ITPR1: variants seen among roughly 807,000 people sequenced by gnomAD.
ITPR1 encodes inositol 1,4,5-trisphosphate-gated calcium channel ITPR1.
ITPR1 carries 96 observed loss-of-function variants against 318.4 expected under a neutral mutation model. The ratio of observed to expected loss-of-function variants is 0.30; its 90% CI spans 0.26 to 0.36. The LOEUF (loss-of-function observed/expected upper bound fraction) is 0.36. Among genes scored for constraint, ITPR1 ranks in the 10% least tolerant of loss-of-function variants. The probability of loss-of-function intolerance (pLI) is 1.00; values close to 1 mark genes in which losing one functional copy is unlikely to be tolerated. For missense variants in ITPR1, 2,440 were observed against 3,460.2 expected (o/e 0.71, Z 7.40); for synonymous variants, 1,312 against 1,289.9 (o/e 1.02, Z -0.37).
At chr3:4,521,855 G>A (rs1373018238) in intron 4 of ITPR1, among the ~76,000 whole-genome samples, 1 of 151,678 alleles carries the variant, frequency 6.6e-6, no homozygotes, top group Non-Finnish European at 1.5e-5. Flanking sequence ...GGGCGACAAA[G>A]TGAGACCCTG....
rs1268853618 is a variant in ITPR1, at chr3:4,720,172, TGGTGC to T, written c.5136+2774_5136+2778del. Among the ~76,000 whole-genome samples, 14 of 152,248 alleles carry T rather than the reference TGGTGC, an allele frequency of 9.2e-5. 1 individual carries two copies. The highest frequency in any genetic ancestry group is 2.1e-4 in the Non-Finnish European group (14 of 68,046). ...TACGTCCAGGGGGATTTGGATACAG[TGGTGC>T]CCCAAATGGGCACAGTGTCTGCCAT... On this transcript the variant is annotated intron_variant, in intron 40 of 61. Coordinates refer to ENST00000649015, the MANE Select transcript of ITPR1 (RefSeq NM_001378452.1).
chr3:4,500,995 C>G lies in ITPR1; in HGVS notation c.-17+6489C>G, dbSNP rs560627197. On this transcript the variant is annotated intron_variant, in intron 2 of 61. Transcript: ENST00000649015. Reference sequence around the variant, plus strand: ...CGGTCTCCTGAGTAGTTGGGACCACCAGCGTGCCCCACCACTCCTGGCTAA... The same window carrying G: ...CGGTCTCCTGAGTAGTTGGGACCACGAGCGTGCCCCACCACTCCTGGCTAA... Among the ~76,000 whole-genome samples, 3 of 151,432 alleles carry G rather than the reference C, an allele frequency of 2.0e-5. No individual in the cohort carries two copies. The East Asian group carries it at 5.9e-4, about 30-fold the overall frequency.
chr3:4,781,047 C>T (rs2046802509), intron 49 of ITPR1, among the ~76,000 whole-genome samples: 1 of 152,248 alleles, frequency 6.6e-6, no homozygotes, highest in African/African-American at 2.4e-5. Context: ...TGTGTGCGTA[C>T]ATACGTGTGT....
At chr3:4,700,088 G>A in intron 35 of ITPR1, 147 bp downstream of exon 35, 1 of 671,216 alleles carries the variant, frequency 1.5e-6, no homozygotes, top group Non-Finnish European at 2.4e-6. Context: ...AGATAGCTTT[G>A]ATGGGATTTC....
intron 4 of ITPR1, among the ~76,000 whole-genome samples, chr3:4,533,392 C>G (rs2083580522): frequency 6.6e-6 from 1 of 152,138 alleles, no homozygotes; most frequent in Admixed American, 6.5e-5. Context: ...TGACCACAGG[C>G]AAGTCATTTA....
At chr3:4,778,427 G>C (rs2046616282) in intron 48 of ITPR1, among the ~76,000 whole-genome samples, 1 of 152,188 alleles carries the variant, frequency 6.6e-6, no homozygotes, top group African/African-American at 2.4e-5. Context: ...TGTATTTATT[G>C]CATGAAGGAT....
At chr3:4,804,124 G>A (rs1483336131) in intron 54 of ITPR1, among the ~76,000 whole-genome samples, 5 of 152,194 alleles carry the variant, frequency 3.3e-5, no homozygotes, top group Non-Finnish European at 7.3e-5. Flanking sequence ...CACCCGCCTC[G>A]GCCTCCCAAA....
At chr3:4,601,930 T>C (rs2091316935) in intron 4 of ITPR1, among the ~76,000 whole-genome samples, 1 of 152,178 alleles carries the variant, frequency 6.6e-6, no homozygotes, top group South Asian at 2.1e-4. Flanking sequence ...TATAAATGGC[T>C]AATAAGCACA....
chr3:4,784,280 A>G (rs1040124633), intron 51 of ITPR1, among the ~76,000 whole-genome samples: 10 of 152,148 alleles, frequency 6.6e-5, no homozygotes, highest in African/African-American at 2.4e-5. Context: ...GAGGGATGAA[A>G]CAGGTAGAGA....
At position 4,806,267 on chromosome 3, in the gene ITPR1, G is replaced by A; in HGVS notation, c.7272G>A (p.Leu2424=). The change falls in exon 55 of 62, where the codon CTG becomes CTA. Residue 2424 remains leucine, a splice_region_variant and synonymous_variant. Coordinates refer to ENST00000649015, the MANE Select transcript of ITPR1 (RefSeq NM_001378452.1). ...TCCATGAATTCTTCTACAGTCTGCT[G>A]GTGAGTACCTGGTGTGGAAATATTT... ...LFVHEFFYSL[L]LFDLVYREET... 1 of 1,613,600 alleles carries A rather than the reference G, an allele frequency of 6.2e-7. No homozygotes were observed. Among genetic ancestry groups the A allele is most frequent in the Non-Finnish European group, 8.5e-7 (1 of 1,179,508 alleles).
At chr3:4,822,050 A>G (rs1026962157) in intron 60 of ITPR1, among the ~76,000 whole-genome samples, 5 of 152,162 alleles carry the variant, frequency 3.3e-5, no homozygotes, top group Admixed American at 6.5e-5. Flanking sequence ...CCAAGGTGAG[A>G]GTTTCCGCTC....
rs1161467532 is a variant in ITPR1, at chr3:4,847,483, TA to T, written c.*1261del. ...TAAATGCATATATAAAAATATTTAA[TA>T]AATGATGCAGAATATACAGTGACTG... On this transcript the variant is annotated 3_prime_UTR_variant, in exon 62 of 62. Transcript: ENST00000649015. 1 of 152,186 alleles carries T rather than the reference TA, an allele frequency of 6.6e-6. No homozygotes were observed. 9.4% of individuals were successfully genotyped at this position (152,186 alleles called of 1,614,324 possible).
rs1389807252 is a variant in ITPR1, at chr3:4,670,858, T to C, written c.2136T>C (p.Ser712=). The change falls in exon 20 of 62, where the codon AGT becomes AGC. Residue 712 remains serine, a synonymous_variant. Transcript: ENST00000649015. The part of the protein sequence containing the change: ...RDSNKEIRSK[S]VRELAQDAKE... ...GCAACAAAGAGATTCGCAGCAAGAGTGTGAGGGAATTGGCTCAGGATGCTA... is the reference window on the plus strand; with the variant it reads ...GCAACAAAGAGATTCGCAGCAAGAGCGTGAGGGAATTGGCTCAGGATGCTA... 1.9e-6 allele frequency: 3 copies of C among 1,608,802 alleles called. No individual in the cohort carries two copies. The highest frequency in any genetic ancestry group is 2.5e-6 in the Non-Finnish European group (3 of 1,177,684).
rs1420916935 is a variant in ITPR1, at chr3:4,553,639, C to T, written c.163+32545C>T. On this transcript the variant is annotated intron_variant, in intron 4 of 61. Transcript: ENST00000649015. ...TTTTGAGACAGAGTCTCCTTCTTGTCGCCCAGGCTGGAGTGCAATGGCATG... is the reference window on the plus strand; with the variant it reads ...TTTTGAGACAGAGTCTCCTTCTTGTTGCCCAGGCTGGAGTGCAATGGCATG... Among the ~76,000 whole-genome samples, 5 of 138,574 alleles carry T rather than the reference C, an allele frequency of 3.6e-5. No homozygotes were observed. In the East Asian group the frequency reaches 6.5e-4, roughly 18 times the overall value. The allele number at this position is 138,574 out of a possible 152,430, so 90.9% of individuals were successfully genotyped here.
chr3:4,822,140 C>T (rs921637082), intron 60 of ITPR1, among the ~76,000 whole-genome samples: 4 of 152,180 alleles, frequency 2.6e-5, no homozygotes, highest in Admixed American at 1.3e-4. Context: ...CATCGCGGTT[C>T]CTACCGCCTC....
chr3:4,799,780 C>G (rs1306479155), intron 53 of ITPR1: 1 of 152,206 alleles, frequency 6.6e-6, no homozygotes. Flanking sequence ...AGCTCTTTGA[C>G]TGCAGGGATA....
intron 3 of ITPR1, among the ~76,000 whole-genome samples, chr3:4,519,127 C>T (rs762017387): frequency 2.0e-5 from 3 of 152,150 alleles, no homozygotes; most frequent in South Asian, 2.1e-4. Context: ...ATGATCATGC[C>T]GCTAGTAGGT....
At position 4,826,091 on chromosome 3, in the gene ITPR1, C is replaced by A. The variant is rs185638777; in HGVS notation, c.8028+7849C>A. On this transcript the variant is annotated intron_variant, in intron 60 of 61. Coordinates refer to ENST00000649015, the MANE Select transcript of ITPR1 (RefSeq NM_001378452.1). This position sits in a 1 kb window ranked among gnomAD's most constrained non-coding sequence, Gnocchi z 4.2. Reference sequence around the variant, plus strand: ...TTAACCCTGGTCTGACCTTTCTGCCCGCCTGTGCACCTCCTCTGTGCATGA... The same window carrying A: ...TTAACCCTGGTCTGACCTTTCTGCCAGCCTGTGCACCTCCTCTGTGCATGA... 2.6e-5 allele frequency among the ~76,000 whole-genome samples: 4 copies of A among 152,324 alleles called. No individual in the cohort carries two copies. The highest frequency in any genetic ancestry group is 2.1e-4 in the South Asian group (1 of 4,828).
chr3:4,737,286 G>T (rs1197538452), intron 44 of ITPR1, among the ~76,000 whole-genome samples: 1 of 152,280 alleles, frequency 6.6e-6, no homozygotes, highest in Non-Finnish European at 1.5e-5. Flanking sequence ...ATGACATTTA[G>T]TGCCCTCCAA....
Sources: gnomAD v4.1 joint callset for allele counts (sites outside exome capture counted in the v4.1 genomes callset) on GRCh38, gnomAD v4.1.1 for gene constraint, Gnocchi (gnomAD v3.1) non-coding constraint, MANE v1.5 for transcripts, NCBI Gene and HGNC (gene_info 2026-07-23, HGNC 2026-07-21) for gene names.